Variants in ATRNL1 observed in about 807,000 individuals in gnomAD.
The protein encoded by ATRNL1 is attractin-like protein 1.
Under a neutral mutation model 182.7 loss-of-function variants are expected in ATRNL1, and 95 were observed. The ratio of observed to expected loss-of-function variants is 0.52; its 90% CI spans 0.44 to 0.62. The LOEUF is 0.62. ATRNL1 is among the 20% of genes least tolerant of loss of function. The pLI is 0.00. For missense variants in ATRNL1, 1,471 were observed against 1,679.5 expected (o/e 0.88, Z 2.17); for synonymous variants, 576 against 568.3 (o/e 1.01, Z -0.19).
chr10:115,889,197 C>T (rs1204734682), intron 28 of ATRNL1, among the ~76,000 whole-genome samples: 2 of 152,202 alleles, frequency 1.3e-5, no homozygotes, highest in Non-Finnish European at 2.9e-5. Context: ...AAGGCAGATA[C>T]AGAGCAGCAC....
At chr10:115,530,514 T>C (rs1851504729) in intron 25 of ATRNL1, among the ~76,000 whole-genome samples, 1 of 151,734 alleles carries the variant, frequency 6.6e-6, no homozygotes, top group African/African-American at 2.4e-5. Context: ...ATAATAAGAG[T>C]TAAGCGCTTG....
intron 28 of ATRNL1, among the ~76,000 whole-genome samples, chr10:115,925,964 T>C (rs1953218444): frequency 6.6e-6 from 1 of 152,218 alleles, no homozygotes; most frequent in Non-Finnish European, 1.5e-5. Flanking sequence ...TATACATTCT[T>C]CTCAGTGCCA....
chr10:115,496,388 C>T (rs550642877), intron 24 of ATRNL1, among the ~76,000 whole-genome samples: 7 of 152,164 alleles, frequency 4.6e-5, no homozygotes, highest in East Asian at 1.9e-4. Context: ...TAATGAATTC[C>T]GTTATTTGCT....
rs551413478 is a variant in ATRNL1 at position 115,809,884 on chromosome 10, G to A, written c.3904-37993G>A. Among the ~76,000 whole-genome samples, 5 of 151,992 alleles carry A rather than the reference G, an allele frequency of 3.3e-5. No individual in the cohort carries two copies. In the East Asian group the frequency reaches 9.6e-4, roughly 29 times the overall value. On this transcript the variant is annotated intron_variant, in intron 27 of 28. Transcript: ENST00000355044. The stretch of plus-strand genomic sequence containing the variant: ...CCTACATTATTTCATATATTAGGGG[G>A]AAACATTCAGTCTTTTACCATTAAG...
intron 26 of ATRNL1, among the ~76,000 whole-genome samples, chr10:115,718,751 T>A (rs1947330017): frequency 6.6e-6 from 1 of 152,218 alleles, no homozygotes; most frequent in African/African-American, 2.4e-5. Context: ...TATTTTTGCA[T>A]ATATGGAGGT....
At chr10:115,874,745 G>A (rs989036457) in intron 28 of ATRNL1, among the ~76,000 whole-genome samples, 1 of 152,158 alleles carries the variant, frequency 6.6e-6, no homozygotes, top group South Asian at 2.1e-4. Context: ...CAGTCTAAGT[G>A]GAGAGTCACA....
At chr10:115,601,403 A>C (rs1023773669) in intron 26 of ATRNL1, among the ~76,000 whole-genome samples, 35 of 152,234 alleles carry the variant, frequency 2.3e-4, no homozygotes, top group African/African-American at 8.2e-4. Context: ...GTTTGCTTGT[A>C]GTTTCATGTC....
rs78118582 is a variant in ATRNL1, at chr10:115,502,673, C to A, written c.3655-16590C>A. Among the ~76,000 whole-genome samples the A allele has an allele frequency of 9.8e-3, 1,497 of 152,150 alleles. 18 individuals carry two copies. Among genetic ancestry groups the A allele is most frequent in the African/African-American group, 0.033 (1,377 of 41,518 alleles). On this transcript the variant is annotated intron_variant, in intron 24 of 28. Coordinates refer to ENST00000355044, the MANE Select transcript of ATRNL1 (RefSeq NM_207303.4). ...AGAAAACCTTGTTAATCTGACACAG[C>A]TGTACATATGCTGGTATTGCCTTAA... is the stretch of plus-strand genomic sequence containing the variant.
chr10:115,544,490 AG>A (rs1311663124), intron 25 of ATRNL1, among the ~76,000 whole-genome samples: 4 of 152,082 alleles, frequency 2.6e-5, no homozygotes, highest in Non-Finnish European at 4.4e-5. Flanking sequence ...TAGAAGGTGA[AG>A]GGGGGGCAGG....
intron 27 of ATRNL1, among the ~76,000 whole-genome samples, chr10:115,800,018 C>G (rs1391344197): frequency 6.6e-6 from 1 of 151,978 alleles, no homozygotes; most frequent in Non-Finnish European, 1.5e-5. Context: ...GTCAGGAGTT[C>G]AAGACCAGCC....
At chr10:115,452,265 T>A (rs1071575) in intron 21 of ATRNL1, among the ~76,000 whole-genome samples, 56,312 of 151,978 alleles carry the variant, frequency 0.37, 11,772 homozygotes, top group African/African-American at 0.57. Context: ...TTTTTTAAAA[T>A]CAATATTTAT....
chr10:115,108,353 C>G (rs542352329), intron 1 of ATRNL1, among the ~76,000 whole-genome samples: 5 of 152,200 alleles, frequency 3.3e-5, no homozygotes, highest in African/African-American at 1.2e-4. Flanking sequence ...TGGACACACA[C>G]AAGGGGTTTA....
intron 19 of ATRNL1, among the ~76,000 whole-genome samples, chr10:115,376,402 C>T (rs566612377): frequency 6.6e-6 from 1 of 152,218 alleles, no homozygotes; most frequent in Non-Finnish European, 1.5e-5. Flanking sequence ...ATCCTCCTGC[C>T]TTGGCCTCCC....
chr10:115,209,344 AG>A (rs1382845465), intron 8 of ATRNL1, among the ~76,000 whole-genome samples: 1 of 149,996 alleles, frequency 6.7e-6, no homozygotes, highest in Non-Finnish European at 1.5e-5. Flanking sequence ...TTTCTTTTAG[AG>A]TCATAGTCCT....
intron 9 of ATRNL1, among the ~76,000 whole-genome samples, chr10:115,216,288 A>G (rs1217139915): frequency 1.3e-5 from 2 of 152,144 alleles, no homozygotes; most frequent in African/African-American, 2.4e-5. Context: ...AGATTTTTGT[A>G]TCTGAGAGTA....
chr10:115,599,790 C>T (rs1555015348), intron 26 of ATRNL1, among the ~76,000 whole-genome samples: 5 of 152,110 alleles, frequency 3.3e-5, no homozygotes, highest in Non-Finnish European at 2.9e-5. Flanking sequence ...AAAACTGTCA[C>T]TCTATAACAA....
At chr10:115,287,852 T>A (rs1417372503) in intron 15 of ATRNL1, among the ~76,000 whole-genome samples, 1 of 151,608 alleles carries the variant, frequency 6.6e-6, no homozygotes, top group Admixed American at 6.6e-5. Flanking sequence ...TCTCTTCTTA[T>A]CCCTCCCTTT....
chr10:115,442,270 GCTCTCTCTCT>G (rs71895625), intron 21 of ATRNL1, among the ~76,000 whole-genome samples: 4 of 100,402 alleles, frequency 4.0e-5, no homozygotes, highest in Non-Finnish European at 8.1e-5. Flanking sequence ...ATTTGTGTTT[GCTCTCTCTCT>G]CTCTCTCTCT....
At chr10:115,352,340 C>G (rs1314450292) in intron 19 of ATRNL1, among the ~76,000 whole-genome samples, 2 of 151,828 alleles carry the variant, frequency 1.3e-5, no homozygotes, top group African/African-American at 2.4e-5. Context: ...CTTCTCTTCT[C>G]CTAAGTTTGG....
Sources: gnomAD v4.1 joint callset for allele counts (sites outside exome capture counted in the v4.1 genomes callset) on GRCh38, gnomAD v4.1.1 for gene constraint, MANE v1.5 for transcripts, NCBI Gene and HGNC (gene_info 2026-07-23, HGNC 2026-07-21) for gene names.